Variants in KIF16B observed in about 807,000 individuals in gnomAD.
KIF16B encodes kinesin-like protein KIF16B.
Under a neutral mutation model 156.3 loss-of-function variants are expected in KIF16B, and 98 were observed. The observed-to-expected ratio is 0.63, with a 90% confidence interval of 0.53 to 0.74. The LOEUF is 0.74. Among genes scored for constraint, KIF16B ranks in the 30% least tolerant of loss-of-function variants. KIF16B has a pLI of 0.00. For missense variants in KIF16B, 1,421 were observed against 1,606.5 expected (o/e 0.88, Z 1.97); for synonymous variants, 564 against 583.7 (o/e 0.97, Z 0.49).
chr20:16,405,090 G>A (rs750874270), intron 16 of KIF16B, among the ~76,000 whole-genome samples, 189 bp from the exon 17 acceptor site: 5 of 152,120 alleles, frequency 3.3e-5, no homozygotes, highest in Admixed American at 2.6e-4. Flanking sequence ...TTTCAAACCC[G>A]AGCCTTCTCC....
intron 24 of KIF16B, among the ~76,000 whole-genome samples, chr20:16,324,493 T>A (rs1234668768): frequency 1.3e-5 from 2 of 152,036 alleles, no homozygotes; most frequent in Non-Finnish European, 2.9e-5. Context: ...TGCAAACAGT[T>A]CCAAGCTCAT....
chr20:16,348,050 C>G (rs2064266546), intron 23 of KIF16B, among the ~76,000 whole-genome samples: 1 of 152,204 alleles, frequency 6.6e-6, no homozygotes, highest in African/African-American at 2.4e-5. Flanking sequence ...TCCTGGCAGG[C>G]CAATCTACCA....
intron 23 of KIF16B, among the ~76,000 whole-genome samples, chr20:16,342,421 A>T (rs1359605805): frequency 6.6e-6 from 1 of 152,124 alleles, no homozygotes; most frequent in Non-Finnish European, 1.5e-5. Flanking sequence ...CATACTTGCC[A>T]TTATTTTACT....
Position 16,428,978 on chromosome 20 carries a change from G to A in KIF16B, c.1449C>T (p.Asp483=), listed in dbSNP as rs201634871. Residue 483 remains aspartate (D), a synonymous_variant, in exon 14 of 26, where the codon GAC becomes GAT. Transcript: ENST00000354981. ...CAATATCTTGCTCCGTGGAAGCATC[G>A]TCTCTACCAACGTATGTCTGACCTT... ...LKEGQTYVGR[D]DASTEQDIVL... 5.1e-5 allele frequency: 83 copies of A among 1,613,240 alleles called. No homozygotes were observed. The highest frequency in any genetic ancestry group is 3.3e-4 in the Middle Eastern group (2 of 6,056).
intron 25 of KIF16B, among the ~76,000 whole-genome samples, chr20:16,307,227 A>G (rs1156812133): frequency 6.6e-6 from 1 of 152,010 alleles, no homozygotes; most frequent in African/African-American, 2.4e-5. Flanking sequence ...AATTATAGTT[A>G]CTCCTTGAAA....
intron 1 of KIF16B, among the ~76,000 whole-genome samples, chr20:16,559,967 T>C (rs1228315968): frequency 6.6e-6 from 1 of 152,158 alleles, no homozygotes; most frequent in African/African-American, 2.4e-5. Context: ...TTTTGATAAT[T>C]ATAAGATAGT....
chr20:16,433,614 C>CAA (rs2066564489), intron 12 of KIF16B, among the ~76,000 whole-genome samples: 2 of 143,502 alleles, frequency 1.4e-5, no homozygotes, highest in African/African-American at 2.5e-5. Context: ...CACACACACT[C>CAA]ACACACACAC....
chr20:16,393,958 T>G (rs1337218706), intron 17 of KIF16B, among the ~76,000 whole-genome samples: 2 of 152,228 alleles, frequency 1.3e-5, no homozygotes, highest in African/African-American at 4.8e-5. Context: ...AAACCTTGAC[T>G]GAATTAGCAA....
At chr20:16,472,508 T>C (rs2067689892) in intron 12 of KIF16B, among the ~76,000 whole-genome samples, 1 of 145,910 alleles carries the variant, frequency 6.9e-6, no homozygotes, top group Non-Finnish European at 1.5e-5. Flanking sequence ...TAACGTCATG[T>C]AACTGTACTG....
chr20:16,309,396 C>T (rs1314413232), intron 25 of KIF16B, among the ~76,000 whole-genome samples: 1 of 152,112 alleles, frequency 6.6e-6, no homozygotes, highest in Non-Finnish European at 1.5e-5. Flanking sequence ...CTATCACCAC[C>T]CACCACCAGA....
At chr20:16,503,336 G>C (rs2068679250) in intron 10 of KIF16B, among the ~76,000 whole-genome samples, 1 of 152,190 alleles carries the variant, frequency 6.6e-6, no homozygotes, top group South Asian at 2.1e-4. Flanking sequence ...TTCCACCATA[G>C]AGCAAAATGC....
At chr20:16,500,767 T>G (rs1219480042) in intron 10 of KIF16B, among the ~76,000 whole-genome samples, 2 of 152,198 alleles carry the variant, frequency 1.3e-5, no homozygotes, top group African/African-American at 2.4e-5. Flanking sequence ...TGTGACCCTA[T>G]CTGAGATGTG....
At chr20:16,368,715 G>C (rs2064741392) in intron 22 of KIF16B, 2 of 985,852 alleles carry the variant, frequency 2.0e-6, no homozygotes, top group Non-Finnish European at 2.4e-6. Context: ...ACGCCAGTAC[G>C]CTCTGCGGGG....
chr20:16,461,970 C>T lies in KIF16B; in HGVS notation c.1303-31988G>A, dbSNP rs115059072. 9.1e-3 allele frequency among the ~76,000 whole-genome samples: 1,381 copies of T among 152,264 alleles called. 27 individuals carry two copies. Among genetic ancestry groups the T allele is most frequent in the African/African-American group, 0.031 (1,272 of 41,548 alleles). On this transcript the variant is annotated intron_variant, in intron 12 of 25. Coordinates refer to ENST00000354981, the MANE Select transcript of KIF16B (RefSeq NM_024704.5). ...GGGTATAAATTTCCAGATCTACAGC[C>T]GGGCATGGTAGCTCACATCTGTAAT...
intron 23 of KIF16B, among the ~76,000 whole-genome samples, chr20:16,346,366 T>C (rs2064234782): frequency 6.6e-6 from 1 of 152,208 alleles, no homozygotes; most frequent in South Asian, 2.1e-4. Flanking sequence ...TAGGAGATTC[T>C]ACAGCCATTC....
intron 23 of KIF16B, among the ~76,000 whole-genome samples, chr20:16,348,865 ATG>A (rs1334112462): frequency 6.6e-6 from 1 of 152,188 alleles, no homozygotes; most frequent in Admixed American, 6.5e-5. Flanking sequence ...ACCAAACATG[ATG>A]GAACAGATGA....
At chr20:16,510,693 T>C (rs2068930909) in intron 6 of KIF16B, among the ~76,000 whole-genome samples, 1 of 152,146 alleles carries the variant, frequency 6.6e-6, no homozygotes, top group Admixed American at 6.6e-5. Context: ...TTGTTATATC[T>C]GGTATCTCCC....
intron 15 of KIF16B, among the ~76,000 whole-genome samples, chr20:16,412,298 C>T (rs763123496): frequency 4.6e-5 from 7 of 151,738 alleles, no homozygotes; most frequent in Admixed American, 4.6e-4. Flanking sequence ...GGTAGTAGAC[C>T]GAGGCCAGAA....
Position 16,573,055 on chromosome 20 carries a change from C to T in KIF16B, c.47+174G>A, listed in dbSNP as rs775267127. ...AGGGTCCTCTCCAGGGCAATGTGAA[C>T]GGGACAGCAGTGCACGAAGTCCTCC... On this transcript the variant is annotated intron_variant, in intron 1 of 25. Coordinates refer to ENST00000354981, the MANE Select transcript of KIF16B (RefSeq NM_024704.5). Among the ~76,000 whole-genome samples the T allele has an allele frequency of 4.4e-4, 67 of 152,300 alleles. 1 individual carries two copies. Among genetic ancestry groups the T allele is most frequent in the Non-Finnish European group, 6.3e-4 (43 of 68,040 alleles).
Sources: allele counts gnomAD v4.1 joint callset (sites outside exome capture counted in the v4.1 genomes callset), GRCh38; gene constraint gnomAD v4.1.1; transcripts MANE v1.5; gene names NCBI Gene and HGNC (gene_info 2026-07-23, HGNC 2026-07-21).